Variants in PKP2 observed in about 807,000 individuals in gnomAD.
PKP2 encodes the protein plakophilin 2, also known as plakophilin-2.
In PKP2, 73 loss-of-function variants were observed where a neutral mutation model predicts 83.4. That is an observed-to-expected ratio of 0.88 (90% confidence interval 0.72 to 1.06). The LOEUF is 1.06. PKP2 is among the 50% of genes least tolerant of loss of function. The probability of loss-of-function intolerance (pLI) is 0.00; values close to 1 mark genes in which losing one functional copy is unlikely to be tolerated. For missense variants in PKP2, 966 were observed against 1,065.4 expected (o/e 0.91, Z 1.30); for synonymous variants, 409 against 430.4 (o/e 0.95, Z 0.62).
At chr12:32,831,483 CTGAGAAAGACATTCTTG>C (rs1393085833) in intron 6 of PKP2, among the ~76,000 whole-genome samples, 7 of 152,164 alleles carry the variant, frequency 4.6e-5, no homozygotes, top group Admixed American at 2.0e-4. Context: ...TTAAAAGTAT[CTGAGAAAGACATTCTTG>C]TGAATTCTTT....
At chr12:32,802,931 T>A (rs1017124146) in intron 9 of PKP2, among the ~76,000 whole-genome samples, 1 of 151,694 alleles carries the variant, frequency 6.6e-6, no homozygotes, top group Non-Finnish European at 1.5e-5. Flanking sequence ...AGTGTTGGGA[T>A]TACAGGCGTG....
At position 32,843,307 on chromosome 12, in the gene PKP2, G is replaced by C. The variant is rs762631031; in HGVS notation, c.1379-2102C>G. 6.8e-5 allele frequency: 93 copies of C among 1,364,562 alleles called. No individual in the cohort carries two copies. Among genetic ancestry groups the C allele is most frequent in the Non-Finnish European group, 8.5e-5 (87 of 1,020,930 alleles). 84.5% of individuals were successfully genotyped at this position (1,364,562 alleles called of 1,614,324 possible). ...GCCATTCCTACTTCTTAAATTGACT[G>C]TATGGTCTGTACAAAGGAAAGAGGA... On this transcript the variant is annotated intron_variant, in intron 5 of 12. Coordinates refer to ENST00000340811, the MANE Select transcript of PKP2 (RefSeq NM_001005242.3).
At chr12:32,828,025 C>G (rs1486056824) in intron 6 of PKP2, among the ~76,000 whole-genome samples, 1 of 152,242 alleles carries the variant, frequency 6.6e-6, no homozygotes, top group Non-Finnish European at 1.5e-5. Context: ...ACAAATTACT[C>G]TTCACATAAA....
chr12:32,838,546 T>C (rs1421879923), intron 6 of PKP2, among the ~76,000 whole-genome samples: 1 of 152,160 alleles, frequency 6.6e-6, no homozygotes, highest in Non-Finnish European at 1.5e-5. Flanking sequence ...CTTTAGCCTA[T>C]GTTTCCAATT....
rs1203934661 is a variant in PKP2 at position 32,813,215 on chromosome 12, A to C, written c.2013+8141T>G. 3.9e-5 allele frequency among the ~76,000 whole-genome samples: 6 copies of C among 152,186 alleles called. No individual in the cohort carries two copies. In the East Asian group the frequency reaches 5.8e-4, roughly 15 times the overall value. ...AAACTAAGCAAAACAAAACCCCCAAACAACCAAACAAATGGACTAAGCCAT... is the reference window on the plus strand; with the variant it reads ...AAACTAAGCAAAACAAAACCCCCAACCAACCAAACAAATGGACTAAGCCAT... On this transcript the variant is annotated intron_variant, in intron 9 of 12. Coordinates refer to ENST00000340811, the MANE Select transcript of PKP2 (RefSeq NM_001005242.3).
chr12:32,859,463 G>A (rs572062506), intron 4 of PKP2, among the ~76,000 whole-genome samples: 8 of 144,756 alleles, frequency 5.5e-5, no homozygotes, highest in Admixed American at 6.8e-5. Context: ...TTTTTTTTTT[G>A]TGTGTGTGTG....
chr12:32,868,115 T>C (rs912376059), intron 4 of PKP2, among the ~76,000 whole-genome samples: 3 of 152,216 alleles, frequency 2.0e-5, no homozygotes, highest in Non-Finnish European at 4.4e-5. Context: ...AGAGGGAAAT[T>C]TGTGTAGTGA....
chr12:32,885,423 G>T (rs1175278894), intron 1 of PKP2, among the ~76,000 whole-genome samples: 1 of 152,212 alleles, frequency 6.6e-6, no homozygotes, highest in African/African-American at 2.4e-5. Flanking sequence ...GGAGGCCAAG[G>T]TGGGCAGATC....
intron 3 of PKP2, among the ~76,000 whole-genome samples, chr12:32,876,586 T>C (rs1344704805): frequency 6.6e-6 from 1 of 152,106 alleles, no homozygotes; most frequent in African/African-American, 2.4e-5. Context: ...TGGAGTGCAG[T>C]GGCACAAATC....
chr12:32,867,531 T>G (rs1956860306), intron 4 of PKP2, among the ~76,000 whole-genome samples: 1 of 152,094 alleles, frequency 6.6e-6, no homozygotes, highest in Non-Finnish European at 1.5e-5. Context: ...AGTTAAAAAA[T>G]CAACCAACAA....
chr12:32,792,964 T>G (rs553489808), intron 11 of PKP2: 20 of 514,170 alleles, frequency 3.9e-5, no homozygotes, highest in Non-Finnish European at 6.0e-5. Context: ...AATAAATAGT[T>G]TATAGGCCAG....
chr12:32,886,465 G>T (rs1591832120), intron 1 of PKP2, among the ~76,000 whole-genome samples: 1 of 152,180 alleles, frequency 6.6e-6, no homozygotes, highest in Non-Finnish European at 1.5e-5. Context: ...ACTCATCAAA[G>T]ACCATACGTA....
At chr12:32,833,533 T>C (rs574246965) in intron 6 of PKP2, among the ~76,000 whole-genome samples, 1 of 152,300 alleles carries the variant, frequency 6.6e-6, no homozygotes, top group South Asian at 2.1e-4. Flanking sequence ...ATAGCCTTTC[T>C]TTCCAAAGGT....
chr12:32,890,841 TC>T (rs978233159), intron 1 of PKP2, among the ~76,000 whole-genome samples: 5 of 150,788 alleles, frequency 3.3e-5, no homozygotes, highest in African/African-American at 1.2e-4. Context: ...GTGCCTGTAA[TC>T]CCAGCTACTC....
intron 4 of PKP2, among the ~76,000 whole-genome samples, chr12:32,855,786 A>AAAAAAAAAAAAAAAAAAAAAAG: frequency 6.6e-6 from 1 of 151,004 alleles, no homozygotes; most frequent in African/African-American, 2.4e-5. Context: ...AAAAAAAAAA[A>AAAAAAAAAAAAAAAAAAAAAAG]AAAAAAAAAG....
At chr12:32,802,224 G>A (rs986272004) in intron 10 of PKP2, among the ~76,000 whole-genome samples, 179 bp downstream of exon 10, 1 of 151,496 alleles carries the variant, frequency 6.6e-6, no homozygotes, top group Non-Finnish European at 1.5e-5. Flanking sequence ...TCTCTGGTGA[G>A]ATCCACTGAG....
chr12:32,895,809 T>A (rs7954545), intron 1 of PKP2, among the ~76,000 whole-genome samples: 2 of 152,036 alleles, frequency 1.3e-5, no homozygotes, highest in African/African-American at 4.8e-5. Context: ...CAGACTTGCA[T>A]CACGCCCGCA....
chr12:32,895,631 A>G (rs1229856452), intron 1 of PKP2, among the ~76,000 whole-genome samples: 4 of 152,250 alleles, frequency 2.6e-5, no homozygotes, highest in Non-Finnish European at 5.9e-5. Context: ...AGTTGATCCC[A>G]TCACCTGACT....
chr12:32,881,292 T>C (rs1239043059), intron 1 of PKP2, among the ~76,000 whole-genome samples: 1 of 152,210 alleles, frequency 6.6e-6, no homozygotes, highest in Admixed American at 6.5e-5. Context: ...GCAGTTGAGA[T>C]AAACCAGGCA....
Sources: allele counts gnomAD v4.1 joint callset (sites outside exome capture counted in the v4.1 genomes callset), GRCh38; gene constraint gnomAD v4.1.1; transcripts MANE v1.5; gene names NCBI Gene and HGNC (gene_info 2026-07-23, HGNC 2026-07-21).